MAST4: variants seen among roughly 807,000 people sequenced by gnomAD.
MAST4 encodes microtubule-associated serine/threonine-protein kinase 4.
In MAST4, 89 loss-of-function variants were observed where a neutral mutation model predicts 162.7. The ratio of observed to expected loss-of-function variants is 0.55; its 90% CI spans 0.46 to 0.65. The LOEUF is 0.65. Ranked by LOEUF, MAST4 falls within the 30% of genes least tolerant of loss-of-function variation. MAST4 has a pLI of 0.00. For missense variants in MAST4, 3,153 were observed against 3,374.0 expected, an observed-to-expected ratio of 0.93 and a Z score of 1.62; for synonymous variants, 1,479 against 1,361.1, an observed-to-expected ratio of 1.09 and a Z score of -1.91.
chr5:67,119,833 C>T (rs1767361079), intron 13 of MAST4, among the ~76,000 whole-genome samples: 4 of 152,010 alleles, frequency 2.6e-5, no homozygotes, highest in African/African-American at 9.6e-5. Context: ...TGAGATCACT[C>T]GTGTAGGGAA....
intron 3 of MAST4, among the ~76,000 whole-genome samples, chr5:66,818,006 G>A (rs1040591092): frequency 1.3e-5 from 2 of 152,178 alleles, no homozygotes; most frequent in East Asian, 3.8e-4. Flanking sequence ...GAAGAGTGCT[G>A]TAAATGGATT....
chr5:67,153,870 A>C (rs1359624918), intron 26 of MAST4, among the ~76,000 whole-genome samples: 2 of 152,198 alleles, frequency 1.3e-5, no homozygotes, highest in Non-Finnish European at 2.9e-5. Context: ...CTATTTGGAG[A>C]GTCACCTATC....
At chr5:66,797,512 C>G (rs1314077086) in intron 3 of MAST4, among the ~76,000 whole-genome samples, 1 of 152,140 alleles carries the variant, frequency 6.6e-6, no homozygotes, top group African/African-American at 2.4e-5. Context: ...GCTTATTGAT[C>G]AGTTAATTGG....
At chr5:66,806,456 G>A (rs1303690257) in intron 3 of MAST4, among the ~76,000 whole-genome samples, 1 of 152,186 alleles carries the variant, frequency 6.6e-6, no homozygotes, top group African/African-American at 2.4e-5. Context: ...CATCATCTGT[G>A]CCCCGTCTGT....
intron 5 of MAST4, among the ~76,000 whole-genome samples, chr5:67,089,718 C>T (rs905605908): frequency 6.6e-6 from 1 of 152,172 alleles, no homozygotes; most frequent in Non-Finnish European, 1.5e-5. Flanking sequence ...CTTATTCATT[C>T]TACTGTAAAC....
intron 1 of MAST4, among the ~76,000 whole-genome samples, chr5:66,675,889 A>G (rs1348981074): frequency 2.0e-5 from 3 of 152,230 alleles, no homozygotes; most frequent in African/African-American, 7.2e-5. Flanking sequence ...TGCCTTCAAC[A>G]TTTTAGTTGA....
intron 5 of MAST4, among the ~76,000 whole-genome samples, chr5:67,068,749 GT>G (rs1161879060): frequency 2.6e-5 from 4 of 152,102 alleles, no homozygotes; most frequent in Admixed American, 2.0e-4. Context: ...TTTATGGGAT[GT>G]TTTAAGTATA....
intron 1 of MAST4, among the ~76,000 whole-genome samples, chr5:66,690,672 A>C (rs1260632202): frequency 6.6e-6 from 1 of 152,254 alleles, no homozygotes. Flanking sequence ...ACCGTCATTT[A>C]AAGAACTTCT....
At chr5:67,095,489 A>G (rs1380582795) in intron 6 of MAST4, 108 bp from the exon 7 acceptor site, 3 of 767,012 alleles carry the variant, frequency 3.9e-6, no homozygotes, top group African/African-American at 3.5e-5. Flanking sequence ...CCACATCCTC[A>G]CAGACTATGT....
At chr5:66,896,895 T>G (rs925974828) in intron 3 of MAST4, among the ~76,000 whole-genome samples, 1 of 152,178 alleles carries the variant, frequency 6.6e-6, no homozygotes, top group Non-Finnish European at 1.5e-5. Context: ...TATTGAGAGA[T>G]CTCAAAAACA....
chr5:66,614,772 G>A (rs1040377995), intron 1 of MAST4, among the ~76,000 whole-genome samples: 1 of 152,146 alleles, frequency 6.6e-6, no homozygotes, highest in African/African-American at 2.4e-5. Context: ...TGCAGGTTTG[G>A]GGAGAGCAGG....
intron 1 of MAST4, among the ~76,000 whole-genome samples, chr5:66,689,417 T>C (rs1023134780): frequency 3.9e-5 from 6 of 152,182 alleles, no homozygotes; most frequent in African/African-American, 1.2e-4. Flanking sequence ...ATCCACAATT[T>C]AGTGCTTTTG....
Position 67,131,820 on chromosome 5 carries a change from C to T in MAST4, c.1962C>T (p.Asp654=), listed in dbSNP as rs762927298. The T allele has an allele frequency of 6.2e-7, 1 of 1,612,868 alleles. No homozygotes were observed. Among genetic ancestry groups the T allele is most frequent in the Non-Finnish European group, 8.5e-7 (1 of 1,179,142 alleles). ...CMVMEYVEGG[D]CATLMKNMGP... Reference sequence around the variant, plus strand: ...CTTTTTCCTGTGTTACAGGGGGAGACTGTGCTACTTTAATGAAAAACATGG... The same window carrying T: ...CTTTTTCCTGTGTTACAGGGGGAGATTGTGCTACTTTAATGAAAAACATGG... The change falls in exon 16 of 29, where the codon GAC becomes GAT. Residue 654 remains aspartate, a synonymous_variant. Coordinates refer to ENST00000403625, the MANE Select transcript of MAST4 (RefSeq NM_001164664.2).
At position 67,163,381 on chromosome 5, in the gene MAST4, G is replaced by A; in HGVS notation, c.4202G>A (p.Gly1401Glu). 6.2e-7 allele frequency: 1 copy of A among 1,612,464 alleles called. No homozygotes were observed. Among genetic ancestry groups the A allele is most frequent in the Non-Finnish European group, 8.5e-7 (1 of 1,179,860 alleles). Residue 1401 changes from glycine to glutamate, a missense_variant, in exon 29 of 29, where the codon GGA becomes GAA. Physicochemically the swap from Gly to Glu is moderately conservative, Grantham distance 98. Around this residue, in one of 7 missense-constraint regions of MAST4, gnomAD observed 619 missense variants for 744.2 expected, o/e 0.83. Transcript: ENST00000403625. The surrounding 1 kb of genome is among the most constrained non-coding windows in gnomAD (Gnocchi z 7.0). ...SPQRSPSPLLGHSLGNSKIAQ... is the reference protein window; with the variant it reads ...SPQRSPSPLLEHSLGNSKIAQ... ...CAGCGGTCACCATCCCCTCTTCTGG[G>A]ACACTCACTGGGCAATTCCAAGATC...
At chr5:66,758,335 G>A (rs1753668262) in intron 1 of MAST4, among the ~76,000 whole-genome samples, 1 of 151,540 alleles carries the variant, frequency 6.6e-6, no homozygotes, top group Admixed American at 6.6e-5. Context: ...TCATAAACAG[G>A]ATCAAATTTC....
At chr5:67,159,756 G>C (rs1393067159) in intron 26 of MAST4, among the ~76,000 whole-genome samples, 1 of 152,094 alleles carries the variant, frequency 6.6e-6, no homozygotes, top group South Asian at 2.1e-4. Flanking sequence ...CCCTTCCCAG[G>C]ATTGAGAGAA....
At chr5:66,963,615 T>C in intron 4 of MAST4, 1 of 740,972 alleles carries the variant, frequency 1.3e-6, no homozygotes, top group Non-Finnish European at 2.5e-6. Flanking sequence ...ATAGTGATTC[T>C]GGCCTAAAGG....
At chr5:66,874,433 G>T (rs1761154089) in intron 3 of MAST4, among the ~76,000 whole-genome samples, 1 of 152,116 alleles carries the variant, frequency 6.6e-6, no homozygotes, top group Non-Finnish European at 1.5e-5. Flanking sequence ...GAATAATGAT[G>T]ATTTATTCTA....
intron 1 of MAST4, among the ~76,000 whole-genome samples, chr5:66,727,899 C>T (rs901110306): frequency 6.6e-6 from 1 of 152,028 alleles, no homozygotes; most frequent in Non-Finnish European, 1.5e-5. Flanking sequence ...ACTTGGATCA[C>T]TCTTTATAAT....
Sources: allele counts gnomAD v4.1 joint callset (sites outside exome capture counted in the v4.1 genomes callset), GRCh38; gene constraint gnomAD v4.1.1; regional missense constraint gnomAD v4.1.1; non-coding constraint Gnocchi (gnomAD v3.1); transcripts MANE v1.5; gene names NCBI Gene and HGNC (gene_info 2026-07-23, HGNC 2026-07-21).